CRHR1: variants seen among roughly 807,000 people sequenced by gnomAD.
The protein encoded by CRHR1 is corticotropin releasing hormone receptor 1, also known as corticotropin-releasing hormone receptor 1.
A neutral mutation model predicts 56.0 loss-of-function variants in CRHR1; 28 were observed. The observed-to-expected ratio is 0.50, with a 90% CI of 0.37 to 0.69. The LOEUF (loss-of-function observed/expected upper bound fraction) is 0.69, where lower values mean the gene tolerates loss of function less well. Among genes scored for constraint, CRHR1 ranks in the 30% least tolerant of loss-of-function variants. CRHR1 has a pLI of 0.00. For missense variants in CRHR1, 376 were observed against 548.0 expected, an observed-to-expected ratio of 0.69 and a Z score of 3.13; for synonymous variants, 195 against 216.5, an observed-to-expected ratio of 0.90 and a Z score of 0.87.
At chr17:45,803,757 C>CGTGTGTGTGTGTGTGTGT (rs553066030) in intron 1 of CRHR1, among the ~76,000 whole-genome samples, 2 of 129,548 alleles carry the variant, frequency 1.5e-5, no homozygotes, top group South Asian at 4.5e-4. Context: ...AGAGAGAGTG[C>CGTGTGTGTGTGTGTGTGT]GTGTGTGTGT....
intron 1 of CRHR1, among the ~76,000 whole-genome samples, chr17:45,785,578 T>C (rs528226204): frequency 3.4e-4 from 52 of 152,262 alleles, no homozygotes; most frequent in South Asian, 1.0e-3. Flanking sequence ...GCCACAAACA[T>C]AGACACCAGC....
chr17:45,829,048 G>A, intron 4 of CRHR1, 167 bp from the exon 5 acceptor site: 1 of 617,496 alleles, frequency 1.6e-6, no homozygotes. Flanking sequence ...GCCTCAAACT[G>A]GACGGCGTTG....
In CRHR1 at chr17:45,784,453, C is replaced by G. The variant is rs2061290511; in HGVS notation, c.-92C>G. On this transcript the variant is annotated 5_prime_UTR_variant, in exon 1 of 13. Transcript: ENST00000314537. The surrounding 1 kb of genome is among the most constrained non-coding windows in gnomAD (Gnocchi z 4.2). Reference sequence around the variant, plus strand: ...GCGACCGAGGAGCCCGGCCGCCCACCCCGTGCCGCCCGAGCCCGCAGCCGC... The same window carrying G: ...GCGACCGAGGAGCCCGGCCGCCCACGCCGTGCCGCCCGAGCCCGCAGCCGC... 7.6e-7 allele frequency: 1 copy of G among 1,320,648 alleles called. No individual in the cohort carries two copies. Among genetic ancestry groups the G allele is most frequent in the Non-Finnish European group, 1.0e-6 (1 of 986,150 alleles). The allele number at this position is 1,320,648 out of a possible 1,614,324, so 81.8% of individuals were successfully genotyped here. A position where few individuals can be genotyped will look rare whatever the true frequency, so the allele number is the denominator to read the frequency against.
At position 45,831,062 on chromosome 17, in the gene CRHR1, A is replaced by G. The variant is rs1223595302; in HGVS notation, c.770+122A>G. 3 of 916,534 alleles carry G rather than the reference A, an allele frequency of 3.3e-6. No individual in the cohort carries two copies. The African/African-American group carries it at 4.9e-5, about 15-fold the overall frequency. 56.8% of individuals were successfully genotyped at this position (916,534 alleles called of 1,614,324 possible). A position where few individuals can be genotyped will look rare whatever the true frequency, so the allele number is the denominator to read the frequency against. On this transcript the variant is annotated intron_variant, in intron 8 of 12. Coordinates refer to ENST00000314537, the MANE Select transcript of CRHR1 (RefSeq NM_004382.5). Reference sequence around the variant, plus strand: ...CCTCAGGACCATGGTTTCTGCATCTATAAAGGGAGAGATCTGGGGGCTGGA... The same window carrying G: ...CCTCAGGACCATGGTTTCTGCATCTGTAAAGGGAGAGATCTGGGGGCTGGA...
At chr17:45,821,330 C>T in intron 3 of CRHR1, 25 bp from the exon 4 acceptor site, 1 of 1,610,060 alleles carries the variant, frequency 6.2e-7, no homozygotes, top group East Asian at 2.2e-5. Context: ...GCCCCGCCAT[C>T]ACTGCCTCTC....
Position 45,834,520 on chromosome 17 carries a change from G to T in CRHR1, c.1108-104G>T, listed in dbSNP as rs576958264. Reference sequence around the variant, plus strand: ...ACTGAGGACTTCCATGTACTCAGCTGACCTGCACAGCCGCTTACCTGCACA... The same window carrying T: ...ACTGAGGACTTCCATGTACTCAGCTTACCTGCACAGCCGCTTACCTGCACA... On this transcript the variant is annotated intron_variant, in intron 12 of 12. Transcript: ENST00000314537. The T allele has an allele frequency of 2.7e-5, 37 of 1,375,674 alleles. No homozygotes were observed. The South Asian group carries it at 3.9e-4, about 14-fold the overall frequency. The allele number at this position is 1,375,674 out of a possible 1,614,324, so 85.2% of individuals were successfully genotyped here. A position where few individuals can be genotyped will look rare whatever the true frequency, so the allele number is the denominator to read the frequency against.
At chr17:45,789,949 C>T (rs1216821277) in intron 1 of CRHR1, among the ~76,000 whole-genome samples, 1 of 152,216 alleles carries the variant, frequency 6.6e-6, no homozygotes, top group African/African-American at 2.4e-5. Flanking sequence ...GTCTGGCACA[C>T]AGTAAGTGCA....
intron 1 of CRHR1, among the ~76,000 whole-genome samples, chr17:45,804,424 C>T (rs17689378): frequency 0.14 from 21,789 of 151,926 alleles, 2,131 homozygotes; most frequent in Middle Eastern, 0.22. Context: ...CAGGCTCTGA[C>T]GAGGAGTGGG....
intron 4 of CRHR1, 116 bp from the exon 5 acceptor site, chr17:45,829,099 G>C: frequency 2.7e-6 from 2 of 741,228 alleles, no homozygotes; most frequent in East Asian, 2.7e-5. Context: ...GCTCAGGAAG[G>C]GGGAGTGGCC....
At chr17:45,785,838 T>C (rs962223671) in intron 1 of CRHR1, among the ~76,000 whole-genome samples, 9 of 152,210 alleles carry the variant, frequency 5.9e-5, no homozygotes, top group Admixed American at 5.2e-4. Context: ...TATTTATAAA[T>C]TGATTCTTAA....
At chr17:45,825,085 A>G (rs1049487338) in intron 4 of CRHR1, among the ~76,000 whole-genome samples, 2 of 152,178 alleles carry the variant, frequency 1.3e-5, no homozygotes, top group Non-Finnish European at 2.9e-5. Flanking sequence ...ACTGCAGAGG[A>G]AAGTATCCAA....
chr17:45,823,872 A>G (rs62057123), intron 4 of CRHR1, among the ~76,000 whole-genome samples: 21,812 of 152,040 alleles, frequency 0.14, 2,138 homozygotes, highest in Middle Eastern at 0.22. Flanking sequence ...AAGACTCACG[A>G]GTTCTTCCAC....
chr17:45,804,229 G>C (rs2061679514), intron 1 of CRHR1, among the ~76,000 whole-genome samples: 1 of 152,204 alleles, frequency 6.6e-6, no homozygotes, highest in South Asian at 2.1e-4. Context: ...CTTGCTGAGT[G>C]TCCCGTGTGC....
At chr17:45,806,459 A>G (rs1315134613) in intron 1 of CRHR1, among the ~76,000 whole-genome samples, 1 of 152,234 alleles carries the variant, frequency 6.6e-6, no homozygotes, top group African/African-American at 2.4e-5. Flanking sequence ...ATAAATGGTG[A>G]GGCACAATTT....
Position 45,830,470 on chromosome 17 carries a change from C to T in CRHR1, c.609C>T (p.Phe203=), listed in dbSNP as rs895209460. The change falls in exon 7 of 13, where the codon TTC becomes TTT. Residue 203 remains phenylalanine (F), a synonymous_variant. Transcript: ENST00000314537. ...AAYNYFHVTN[F]FWMFGEGCYL... ...ACAACTACTTCCATGTGACCAACTT[C>T]TTCTGGATGTTCGGCGAGGGCTGCT... 1.8e-5 allele frequency: 29 copies of T among 1,613,618 alleles called. No homozygotes were observed. Among genetic ancestry groups the T allele is most frequent in the Non-Finnish European group, 2.5e-5 (29 of 1,179,976 alleles).
intron 8 of CRHR1, among the ~76,000 whole-genome samples, chr17:45,831,933 TTGACTCCCTCC>T (rs536904593): frequency 3.9e-5 from 6 of 152,240 alleles, no homozygotes; most frequent in Non-Finnish European, 5.9e-5. Flanking sequence ...GTTTATGTGG[TTGACTCCCTCC>T]TGACTCCCTC....
chr17:45,828,381 A>G (rs907348378), intron 4 of CRHR1, among the ~76,000 whole-genome samples: 2 of 152,250 alleles, frequency 1.3e-5, no homozygotes, highest in African/African-American at 4.8e-5. Flanking sequence ...AATAAAGCCC[A>G]GATGCCTTTC....
intron 3 of CRHR1, among the ~76,000 whole-genome samples, chr17:45,818,918 G>T (rs554038744): frequency 6.6e-6 from 1 of 152,284 alleles, no homozygotes; most frequent in Non-Finnish European, 1.5e-5. Context: ...AGACAAGGAG[G>T]TCGCATCCTC....
At chr17:45,816,092 G>T (rs2061921453) in intron 2 of CRHR1, among the ~76,000 whole-genome samples, 2 of 152,172 alleles carry the variant, frequency 1.3e-5, no homozygotes, top group Non-Finnish European at 2.9e-5. Flanking sequence ...CAGAGCTCCA[G>T]GCTGTCACCA....
Sources: gnomAD v4.1 joint callset for allele counts (sites outside exome capture counted in the v4.1 genomes callset) on GRCh38, gnomAD v4.1.1 for gene constraint, Gnocchi (gnomAD v3.1) non-coding constraint, MANE v1.5 for transcripts, NCBI Gene and HGNC (gene_info 2026-07-23, HGNC 2026-07-21) for gene names.